TRRAP: variants seen among roughly 807,000 people sequenced by gnomAD.
TRRAP encodes transformation/transcription domain-associated protein.
A neutral mutation model predicts 438.8 loss-of-function variants in TRRAP; 41 were observed. The ratio of observed to expected loss-of-function variants is 0.09; its 90% CI spans 0.07 to 0.12. TRRAP has a LOEUF of 0.12. Ranked by LOEUF, TRRAP falls within the 10% of genes least tolerant of loss-of-function variation. The probability of loss-of-function intolerance (pLI) is 1.00; values close to 1 mark genes in which losing one functional copy is unlikely to be tolerated. For missense variants in TRRAP, 3,122 were observed against 5,055.1 expected (o/e 0.62, Z 11.60); for synonymous variants, 1,994 against 1,962.9 (o/e 1.02, Z -0.42).
At position 99,005,003 on chromosome 7, in the gene TRRAP, T is replaced by A. The variant is rs974375800; in HGVS notation, c.10536-128T>A. ...CAGGGTGAGGCAGGGTACAAATAAA[T>A]TGATAAACGACCGCTGGCCTACACA... On this transcript the variant is annotated intron_variant, in intron 68 of 72. Transcript: ENST00000456197. The surrounding 1 kb of genome is among the most constrained non-coding windows in gnomAD (Gnocchi z 5.1). 11 of 867,076 alleles carry A rather than the reference T, an allele frequency of 1.3e-5. No homozygotes were observed. Among genetic ancestry groups the A allele is most frequent in the African/African-American group, 1.7e-5 (1 of 59,940 alleles). 53.7% of individuals were successfully genotyped at this position (867,076 alleles called of 1,614,324 possible).
At chr7:98,957,117 C>T (rs1554420035) in intron 43 of TRRAP, among the ~76,000 whole-genome samples, 2 of 151,180 alleles carry the variant, frequency 1.3e-5, no homozygotes, top group Non-Finnish European at 3.0e-5. Context: ...GCACTGTCTG[C>T]ACTTTGTCCA....
In TRRAP at chr7:98,965,757, C is replaced by T; in HGVS notation, c.7038C>T (p.Ser2346=). 1 of 1,614,118 alleles carries T rather than the reference C, an allele frequency of 6.2e-7. No individual in the cohort carries two copies. Among genetic ancestry groups the T allele is most frequent in the Non-Finnish European group, 8.5e-7 (1 of 1,180,026 alleles). The change falls in exon 49 of 73, where the codon AGC becomes AGT. Residue 2346 remains serine (S), a synonymous_variant. Transcript: ENST00000456197. ...ELVKTRLAVM[S]MEMRKNFIQA... is the part of the protein sequence containing the mutation. ...TGAAGACGCGCCTGGCAGTGATGAGCATGGAGATGCGGAAGAACTTCATCC... is the reference window on the plus strand; with the variant it reads ...TGAAGACGCGCCTGGCAGTGATGAGTATGGAGATGCGGAAGAACTTCATCC...
rs762933500 is a variant in TRRAP at position 98,959,395 on chromosome 7, C to T, written c.6394C>T (p.Arg2132Trp). ...AGSPGEVLSR[R>W]CVNLLKTALR... Reference sequence around the variant, plus strand: ...GTCCCCTGGGGAGGTGCTCTCTCGCCGGTGTGTGAACCTTCTGAAGACTGC... The same window carrying T: ...GTCCCCTGGGGAGGTGCTCTCTCGCTGGTGTGTGAACCTTCTGAAGACTGC... Residue 2132 changes from arginine to tryptophan, a missense_variant, in exon 45 of 73, where the codon CGG becomes TGG. Arg to Trp is a moderately radical substitution (Grantham distance 101). Transcript: ENST00000456197. 1.1e-5 allele frequency: 17 copies of T among 1,614,102 alleles called. No homozygotes were observed. Among genetic ancestry groups the T allele is most frequent in the South Asian group, 3.3e-5 (3 of 91,064 alleles).
At chr7:98,927,936 T>G (rs1407807790) in intron 23 of TRRAP, among the ~76,000 whole-genome samples, 2 of 152,178 alleles carry the variant, frequency 1.3e-5, no homozygotes, top group Non-Finnish European at 2.9e-5. Context: ...AGGTGATGTC[T>G]TTGTAAAAGA....
chr7:98,958,505 G>A (rs560719427), intron 44 of TRRAP, among the ~76,000 whole-genome samples: 1 of 152,242 alleles, frequency 6.6e-6, no homozygotes, highest in Admixed American at 6.5e-5. Context: ...TCACCATGTT[G>A]GCCAGGCTGG....
intron 14 of TRRAP, among the ~76,000 whole-genome samples, 192 bp from the exon 15 acceptor site, chr7:98,909,864 T>C (rs1196644012): frequency 7.2e-5 from 11 of 152,198 alleles, no homozygotes; most frequent in Admixed American, 7.2e-4. Flanking sequence ...GTTGGGTTGG[T>C]GCGAAAGTAA....
intron 6 of TRRAP, 30 bp downstream of exon 6, chr7:98,893,911 A>G: frequency 1.2e-6 from 2 of 1,603,492 alleles, no homozygotes; most frequent in Non-Finnish European, 1.7e-6. Context: ...TATAGCATTT[A>G]TAAAGTGTGT....
At chr7:98,920,416 G>A (rs1406760426) in intron 20 of TRRAP, among the ~76,000 whole-genome samples, 1 of 151,650 alleles carries the variant, frequency 6.6e-6, no homozygotes, top group Non-Finnish European at 1.5e-5. Context: ...GTTGCAGTGA[G>A]CCGAGATTGC....
chr7:98,943,213 T>C (rs2116574983), intron 31 of TRRAP, among the ~76,000 whole-genome samples, 196 bp downstream of exon 31: 1 of 152,356 alleles, frequency 6.6e-6, no homozygotes, highest in South Asian at 2.1e-4. Context: ...CATTCCTTTT[T>C]ATGTTTCTTT....
Position 98,967,569 on chromosome 7 carries a change from C to A in TRRAP, c.7383C>A (p.Ile2461=). Residue 2461 remains isoleucine, a synonymous_variant, in exon 51 of 73, where the codon ATC becomes ATA. Coordinates refer to ENST00000456197, the MANE Select transcript of TRRAP (RefSeq NM_001375524.1). Reference sequence around the variant, plus strand: ...GGCTGCGCTGTGCCCAGCCACTCATCAGGGCAAAGTTTTTCGAGGTTTTTG... The same window carrying A: ...GGCTGCGCTGTGCCCAGCCACTCATAAGGGCAAAGTTTTTCGAGGTTTTTG... The part of the protein sequence containing the change: ...LSGLRCAQPL[I]RAKFFEVFDN... 2 of 1,614,138 alleles carry A rather than the reference C, an allele frequency of 1.2e-6. No individual in the cohort carries two copies. The highest frequency in any genetic ancestry group is 1.7e-6 in the Non-Finnish European group (2 of 1,180,030).
In TRRAP at chr7:98,917,434, C is replaced by T; in HGVS notation, c.2377C>T (p.Leu793Phe). Residue 793 changes from leucine (L) to phenylalanine (F), a missense_variant, in exon 20 of 73, where the codon CTT becomes TTT. Physicochemically the swap from Leu to Phe is conservative, Grantham distance 22 (BLOSUM62 0). Transcript: ENST00000456197. ...LPNLLQGLNM[L>F]QSGLHKQHMK... ...ACCCCCTTCCCTAGGGCTGAACATG[C>T]TTCAGAGTGGCCTGCACAAGCAGCA... 1 of 1,614,130 alleles carries T rather than the reference C, an allele frequency of 6.2e-7. No individual in the cohort carries two copies. The highest frequency in any genetic ancestry group is 8.5e-7 in the Non-Finnish European group (1 of 1,180,006).
chr7:98,906,269 C>T lies in TRRAP; in HGVS notation c.1115+14C>T, dbSNP rs1554407508. 1 of 1,610,076 alleles carries T rather than the reference C, an allele frequency of 6.2e-7. No individual in the cohort carries two copies. Among genetic ancestry groups the T allele is most frequent in the East Asian group, 2.2e-5 (1 of 44,762 alleles). ...AGAGACTCTAAGGTATGAGATTAAA[C>T]CAGTGATATCTGGTTGGTTAAATGC... On this transcript the variant is annotated intron_variant, in intron 13 of 72. Coordinates refer to ENST00000456197, the MANE Select transcript of TRRAP (RefSeq NM_001375524.1).
intron 11 of TRRAP, among the ~76,000 whole-genome samples, chr7:98,902,453 T>G (rs748738750): frequency 6.6e-6 from 1 of 152,236 alleles, no homozygotes; most frequent in East Asian, 1.9e-4. Context: ...TTATGCTTTT[T>G]GTATGGCTTT....
chr7:98,927,181 C>G lies in TRRAP; in HGVS notation c.2990C>G (p.Thr997Ser). ...LLAHPNFTEK[T>S]IPNVIISHRY... Reference sequence around the variant, plus strand: ...TTGCCTTTCAGCTTTACAGAAAAGACCATCCCCAATGTTATCATCTCACAT... The same window carrying G: ...TTGCCTTTCAGCTTTACAGAAAAGAGCATCCCCAATGTTATCATCTCACAT... Residue 997 changes from threonine to serine, a missense_variant, in exon 23 of 73, where the codon ACC (threonine) becomes AGC (serine). Thr to Ser is a moderately conservative substitution (Grantham distance 58). Around this residue, in one of 24 missense-constraint regions of TRRAP, gnomAD observed 133 missense variants for 188.6 expected, o/e 0.71. Coordinates refer to ENST00000456197, the MANE Select transcript of TRRAP (RefSeq NM_001375524.1). 1 of 1,614,236 alleles carries G rather than the reference C, an allele frequency of 6.2e-7. No homozygotes were observed. Among genetic ancestry groups the G allele is most frequent in the South Asian group, 1.1e-5 (1 of 91,086 alleles).
At chr7:98,939,157 C>T (rs1790683583) in intron 30 of TRRAP, among the ~76,000 whole-genome samples, 1 of 152,142 alleles carries the variant, frequency 6.6e-6, no homozygotes, top group South Asian at 2.1e-4. Flanking sequence ...ATTTTTCATG[C>T]TTATGTTTCC....
rs907925116 is a variant in TRRAP at position 98,983,473 on chromosome 7, G to C, written c.9022+14G>C. On this transcript the variant is annotated intron_variant, in intron 60 of 72. Transcript: ENST00000456197. ...ATCATTACCAGGGTAAACCGACCTG[G>C]TCCGGCATGCATTCATCATGTAATT... The C allele has an allele frequency of 2.5e-6, 4 of 1,613,906 alleles. No individual in the cohort carries two copies. Among genetic ancestry groups the C allele is most frequent in the Middle Eastern group, 3.3e-4 (2 of 6,082 alleles).
At chr7:98,881,573 A>C in intron 2 of TRRAP, 1 of 177,586 alleles carries the variant, frequency 5.6e-6, no homozygotes. Flanking sequence ...CTCCCTCTCA[A>C]AAAAAAAAAA....
chr7:99,002,979 G>A (rs1430706231), intron 67 of TRRAP, among the ~76,000 whole-genome samples: 2 of 152,206 alleles, frequency 1.3e-5, no homozygotes, highest in Non-Finnish European at 2.9e-5. Flanking sequence ...AGAAAAGTGA[G>A]GCCCTAAGAG....
intron 13 of TRRAP, among the ~76,000 whole-genome samples, chr7:98,907,116 G>C (rs1440382480): frequency 6.6e-6 from 1 of 152,034 alleles, no homozygotes; most frequent in Non-Finnish European, 1.5e-5. Context: ...CTGAGGTCGG[G>C]AGTTTGAGAC....
Sources: allele counts gnomAD v4.1 joint callset (sites outside exome capture counted in the v4.1 genomes callset), GRCh38; gene constraint gnomAD v4.1.1; regional missense constraint gnomAD v4.1.1; non-coding constraint Gnocchi (gnomAD v3.1); transcripts MANE v1.5; gene names NCBI Gene and HGNC (gene_info 2026-07-23, HGNC 2026-07-21).